Variants in TAB2 observed in about 807,000 individuals in gnomAD.
TAB2 encodes TGF-beta-activated kinase 1 and MAP3K7-binding protein 2.
In TAB2, 3 loss-of-function variants were observed where a neutral mutation model predicts 65.0. The ratio of observed to expected loss-of-function variants is 0.05; its 90% CI spans 0.02 to 0.12. The LOEUF (loss-of-function observed/expected upper bound fraction) is 0.12. Ranked by LOEUF, TAB2 falls within the 10% of genes least tolerant of loss-of-function variation. The probability of loss-of-function intolerance (pLI) is 1.00; values close to 1 mark genes in which losing one functional copy is unlikely to be tolerated. For synonymous variants in TAB2, 298 were observed against 285.1 expected (o/e 1.05, Z -0.46); for missense variants, 623 against 840.3 (o/e 0.74, Z 3.20).
upstream of TAB2, among the ~76,000 whole-genome samples, chr6:149,218,461 G>C (rs912981405): frequency 1.4e-4 from 22 of 152,234 alleles, no homozygotes. Flanking sequence ...AGCAAAAGAA[G>C]AGTGGCATTA....
At chr6:149,266,562 A>G (rs1461599157) in intron 1 of TAB2, among the ~76,000 whole-genome samples, 1 of 152,174 alleles carries the variant, frequency 6.6e-6, no homozygotes, top group Non-Finnish European at 1.5e-5. Context: ...CACATCATCT[A>G]ACAAAACAGT....
Position 149,272,879 on chromosome 6 carries a change from G to T in TAB2, c.-121+54103G>T, listed in dbSNP as rs115117807. On this transcript the variant is annotated intron_variant, in intron 1 of 1. Coordinates refer to the TAB2 transcript ENST00000606202. ...GTCACAATTGTCATCTAGTGCAGGGGTCCCCAACCCTGGGGCCACTGGAGC... is the reference window on the plus strand; with the variant it reads ...GTCACAATTGTCATCTAGTGCAGGGTTCCCCAACCCTGGGGCCACTGGAGC... Among the ~76,000 whole-genome samples the T allele has an allele frequency of 5.0e-3, 756 of 152,252 alleles. 5 individuals carry two copies. The highest frequency in any genetic ancestry group is 0.018 in the African/African-American group (729 of 41,548).
intron 1 of TAB2, chr6:149,255,262 A>AGTCT (rs139623199): frequency 0.051 from 7,788 of 152,316 alleles, 225 homozygotes; most frequent in Middle Eastern, 0.11. Flanking sequence ...CATAGCAAGA[A>AGTCT]GTCTGCAAGC....
At chr6:149,254,017 AGAAAG>A (rs1777935629) in intron 1 of TAB2, among the ~76,000 whole-genome samples, 1 of 150,248 alleles carries the variant, frequency 6.7e-6, no homozygotes, top group Non-Finnish European at 1.5e-5. Flanking sequence ...AAAGAAAGAA[AGAAAG>A]AAAAGAAAGA....
At chr6:149,297,129 C>G (rs368724010) in intron 1 of TAB2, among the ~76,000 whole-genome samples, 4 of 151,908 alleles carry the variant, frequency 2.6e-5, no homozygotes, top group African/African-American at 9.7e-5. Context: ...CTTTTTCCAT[C>G]CCTTCCTCCT....
chr6:149,248,824 C>A (rs185525251), intron 1 of TAB2, among the ~76,000 whole-genome samples: 1 of 152,220 alleles, frequency 6.6e-6, no homozygotes, highest in East Asian at 1.9e-4. Flanking sequence ...TCTGAGGCAC[C>A]TGCCATTTTC....
At chr6:149,286,867 G>A (rs1778685405) in intron 1 of TAB2, among the ~76,000 whole-genome samples, 1 of 152,144 alleles carries the variant, frequency 6.6e-6, no homozygotes, top group Non-Finnish European at 1.5e-5. Flanking sequence ...TGTAATCCCA[G>A]CACTTTGGGA....
At chr6:149,377,936 G>T in intron 2 of TAB2, 82 bp from the exon 3 acceptor site, 1 of 1,039,806 alleles carries the variant, frequency 9.6e-7, no homozygotes, top group Non-Finnish European at 1.5e-6. Context: ...CCAGTCACTT[G>T]GTAATCATGT....
chr6:149,246,099 A>G (rs1387098175), intron 1 of TAB2: 1 of 152,066 alleles, frequency 6.6e-6, no homozygotes, highest in Non-Finnish European at 1.5e-5. Context: ...TTATATTTTT[A>G]GTGGAGACAG....
chr6:149,395,496 C>G (rs1050093606), intron 3 of TAB2, among the ~76,000 whole-genome samples: 1 of 152,164 alleles, frequency 6.6e-6, no homozygotes, highest in Admixed American at 6.5e-5. Flanking sequence ...TAGCACAGAT[C>G]CCTAAATACT....
chr6:149,244,432 TGCTGACGGA>T (rs2114646051), intron 1 of TAB2: 1 of 152,432 alleles, frequency 6.6e-6, no homozygotes, highest in East Asian at 1.9e-4. Context: ...GGGTGTAGGC[TGCTGACGGA>T]GCATGAAGGA....
intron 2 of TAB2, among the ~76,000 whole-genome samples, chr6:149,372,630 G>A (rs1781267474): frequency 2.0e-5 from 3 of 152,120 alleles, no homozygotes; most frequent in South Asian, 2.1e-4. Flanking sequence ...AACACCTGGT[G>A]TTAATGAAAA....
intron 3 of TAB2, among the ~76,000 whole-genome samples, chr6:149,396,249 C>G (rs901379198): frequency 2.0e-5 from 3 of 152,188 alleles, no homozygotes; most frequent in Non-Finnish European, 2.9e-5. Flanking sequence ...AACTCCTGAC[C>G]TCAGATGATC....
chr6:149,271,240 T>C (rs1778357652), intron 1 of TAB2, among the ~76,000 whole-genome samples: 1 of 151,986 alleles, frequency 6.6e-6, no homozygotes, highest in Non-Finnish European at 1.5e-5. Flanking sequence ...AAAAAGAATA[T>C]TATTGACCTG....
chr6:149,232,793 G>A (rs954673501), intron 1 of TAB2, among the ~76,000 whole-genome samples: 1 of 152,104 alleles, frequency 6.6e-6, no homozygotes, highest in African/African-American at 2.4e-5. Context: ...GGAAACTGAG[G>A]CTTGGAGAAG....
chr6:149,264,560 A>C (rs1778222402), intron 1 of TAB2, among the ~76,000 whole-genome samples: 1 of 152,104 alleles, frequency 6.6e-6, no homozygotes, highest in Non-Finnish European at 1.5e-5. Context: ...CAGGGTATTT[A>C]GGGTGTCCAC....
intron 1 of TAB2, among the ~76,000 whole-genome samples, chr6:149,261,627 T>C (rs1337329881): frequency 6.6e-6 from 1 of 152,160 alleles, no homozygotes; most frequent in East Asian, 1.9e-4. Context: ...ACAGCATTGT[T>C]AAAGCTCCAA....
chr6:149,279,529 G>C (rs1397789281), intron 1 of TAB2, among the ~76,000 whole-genome samples: 1 of 152,134 alleles, frequency 6.6e-6, no homozygotes, highest in African/African-American at 2.4e-5. Context: ...TGTTTTGCTT[G>C]TCACAATGGG....
At chr6:149,243,551 G>C (rs1254716539) in intron 1 of TAB2, 1 of 152,162 alleles carries the variant, frequency 6.6e-6, no homozygotes, top group African/African-American at 2.4e-5. Flanking sequence ...TAAAACACAG[G>C]AGACAACTTT....
Sources: allele counts gnomAD v4.1 joint callset (sites outside exome capture counted in the v4.1 genomes callset), GRCh38; gene constraint gnomAD v4.1.1; transcripts MANE v1.5; gene names NCBI Gene and HGNC (gene_info 2026-07-23, HGNC 2026-07-21).